Variants in EIPR1 observed in about 807,000 individuals in gnomAD.
EIPR1 encodes EARP complex and GARP complex interacting protein 1, also known as EARP and GARP complex-interacting protein 1.
EIPR1 carries 25 observed loss-of-function variants against 48.1 expected under a neutral mutation model. That is an observed-to-expected ratio of 0.52 (90% CI 0.38 to 0.73). The LOEUF is 0.73. Ranked by LOEUF, EIPR1 falls within the 30% of genes least tolerant of loss-of-function variation. EIPR1 has a pLI of 0.00. For synonymous variants in EIPR1, 204 were observed against 201.9 expected (o/e 1.01, Z -0.09); for missense variants, 415 against 506.2 (o/e 0.82, Z 1.73).
chr2:3,217,584 A>T (rs748481879), intron 4 of EIPR1, among the ~76,000 whole-genome samples: 5 of 152,116 alleles, frequency 3.3e-5, no homozygotes, highest in Non-Finnish European at 7.4e-5. Flanking sequence ...ATTGAGTTAA[A>T]CTCACGTAAA....
intron 4 of EIPR1, among the ~76,000 whole-genome samples, chr2:3,249,594 G>A (rs1177438184): frequency 2.0e-5 from 3 of 152,228 alleles, no homozygotes; most frequent in African/African-American, 7.2e-5. Context: ...CAAGAGGGCT[G>A]TGGAGCAACC....
At position 3,197,320 on chromosome 2, in the gene EIPR1, A is replaced by C. The variant is rs138618014; in HGVS notation, c.517-303T>G. On this transcript the variant is annotated intron_variant, in intron 5 of 8. Transcript: ENST00000382125. ...ACTCGAACTTGAAGGAAAACAATACAAAACAACTCAAACATCTGGCTTTCC... is the reference window on the plus strand; with the variant it reads ...ACTCGAACTTGAAGGAAAACAATACCAAACAACTCAAACATCTGGCTTTCC... Among the ~76,000 whole-genome samples the C allele has an allele frequency of 4.6e-5, 7 of 152,386 alleles. No individual in the cohort carries two copies. In the East Asian group the frequency reaches 1.3e-3, roughly 29 times the overall value.
At chr2:3,203,622 G>A (rs772139594) in intron 5 of EIPR1, among the ~76,000 whole-genome samples, 28 of 152,242 alleles carry the variant, frequency 1.8e-4, no homozygotes, top group East Asian at 5.8e-4. Context: ...CAGGGAAGCC[G>A]GAGGCAGAAG....
At chr2:3,374,674 A>T (rs1194409337) in intron 1 of EIPR1, among the ~76,000 whole-genome samples, 13 of 150,344 alleles carry the variant, frequency 8.6e-5, no homozygotes, top group Admixed American at 2.0e-4. Context: ...TCAAAACCAC[A>T]ATGAGATACC....
chr2:3,307,216 C>A (rs1668974138), intron 3 of EIPR1, among the ~76,000 whole-genome samples: 1 of 152,164 alleles, frequency 6.6e-6, no homozygotes, highest in South Asian at 2.1e-4. Context: ...CCTACCTCAG[C>A]CTCCCAAAGT....
At chr2:3,361,960 G>A (rs747520115) in intron 1 of EIPR1, among the ~76,000 whole-genome samples, 2 of 152,194 alleles carry the variant, frequency 1.3e-5, no homozygotes, top group Non-Finnish European at 2.9e-5. Context: ...TCTGGAGTTC[G>A]ATTCTGACTT....
intron 3 of EIPR1, among the ~76,000 whole-genome samples, chr2:3,291,160 G>A (rs1668354123): frequency 6.6e-6 from 1 of 152,164 alleles, no homozygotes; most frequent in Non-Finnish European, 1.5e-5. Flanking sequence ...GGTGGGGCGA[G>A]AACACCCAGA....
At chr2:3,231,370 GTTA>G (rs1666238234) in intron 4 of EIPR1, among the ~76,000 whole-genome samples, 1 of 152,074 alleles carries the variant, frequency 6.6e-6, no homozygotes, top group Admixed American at 6.5e-5. Context: ...AGAACTTCCA[GTTA>G]TTATGATGGA....
Position 3,189,378 on chromosome 2 carries a change from T to A in EIPR1, c.1120A>T (p.Ile374Phe), listed in dbSNP as rs1475982731. Residue 374 changes from isoleucine to phenylalanine, a missense_variant, in exon 9 of 9, where the codon ATC becomes TTC. Transcript: ENST00000382125. The surrounding 1 kb of genome is among the most constrained non-coding windows in gnomAD (Gnocchi z 4.6). ...TTCAGGGCCCTGGGCACCCTGTTGA[T>A]CACGAGCCTCCCGTCATAGCTCAGG... The part of the protein sequence containing the change: ...ASLSYDGRLV[I>F]NRVPRALKYH... The A allele has an allele frequency of 6.2e-7, 1 of 1,602,596 alleles. No individual in the cohort carries two copies. The highest frequency in any genetic ancestry group is 2.2e-5 in the East Asian group (1 of 44,582).
In EIPR1 at chr2:3,189,760, C is replaced by T. The variant is rs1159209793; in HGVS notation, c.990-252G>A. On this transcript the variant is annotated intron_variant, in intron 8 of 8. Coordinates refer to ENST00000382125, the MANE Select transcript of EIPR1 (RefSeq NM_003310.5). This position sits in a 1 kb window ranked among gnomAD's most constrained non-coding sequence, Gnocchi z 4.6. Reference sequence around the variant, plus strand: ...TCAAAAGGTTTATGGAAATCGGCGACATTGGCACATGGTGTCTTGGTTTCT... The same window carrying T: ...TCAAAAGGTTTATGGAAATCGGCGATATTGGCACATGGTGTCTTGGTTTCT... 6.6e-6 allele frequency among the ~76,000 whole-genome samples: 1 copy of T among 152,184 alleles called. No individual in the cohort carries two copies. Among genetic ancestry groups the T allele is most frequent in the East Asian group, 1.9e-4 (1 of 5,188 alleles).
intron 4 of EIPR1, among the ~76,000 whole-genome samples, chr2:3,247,040 AGAGGGAGGGAGAGAGGGAGGGAGAGAGG>A (rs1666849555): frequency 2.1e-4 from 1 of 4,706 alleles, no homozygotes; most frequent in African/African-American, 8.5e-4. Context: ...AGGGAGGGAG[AGAGGGAGGGAGAGAGGGAGGGAGAGAGG>A]GAGGGAGAGA....
intron 5 of EIPR1, chr2:3,209,013 A>G: frequency 6.9e-7 from 1 of 1,452,690 alleles, no homozygotes; most frequent in South Asian, 1.5e-5. Context: ...AGCGGGAACA[A>G]TAGTGGAGGT....
intron 3 of EIPR1, among the ~76,000 whole-genome samples, chr2:3,287,644 C>T (rs189988365): frequency 5.3e-4 from 81 of 151,812 alleles, no homozygotes; most frequent in African/African-American, 1.7e-3. Context: ...CACCACGCTC[C>T]GGAAAGCTCG....
At chr2:3,267,944 C>A (rs1441117160) in intron 3 of EIPR1, among the ~76,000 whole-genome samples, 1 of 152,238 alleles carries the variant, frequency 6.6e-6, no homozygotes, top group Non-Finnish European at 1.5e-5. Context: ...GCAGACCGTG[C>A]CCTGTGTAGC....
chr2:3,369,340 G>A (rs977043441), intron 1 of EIPR1, among the ~76,000 whole-genome samples: 2 of 152,340 alleles, frequency 1.3e-5, no homozygotes, highest in Admixed American at 1.3e-4. Context: ...ATTTCCATAT[G>A]AGGTACCGGG....
chr2:3,342,515 G>A (rs1297609573), intron 2 of EIPR1, among the ~76,000 whole-genome samples: 5 of 152,252 alleles, frequency 3.3e-5, no homozygotes, highest in Admixed American at 3.3e-4. Context: ...AGTGCAGCGT[G>A]GCCCCCAAGC....
intron 3 of EIPR1, among the ~76,000 whole-genome samples, chr2:3,321,891 T>C (rs1204668193): frequency 6.6e-6 from 1 of 152,128 alleles, no homozygotes; most frequent in Non-Finnish European, 1.5e-5. Context: ...CACGGACTCC[T>C]CAGCAGTGGA....
chr2:3,262,630 G>A (rs773890528), intron 3 of EIPR1, among the ~76,000 whole-genome samples: 1 of 152,242 alleles, frequency 6.6e-6, no homozygotes, highest in South Asian at 2.1e-4. Context: ...TGCTGGTGTG[G>A]AAGTTGTCAG....
At chr2:3,307,285 C>T (rs887427001) in intron 3 of EIPR1, among the ~76,000 whole-genome samples, 2 of 152,188 alleles carry the variant, frequency 1.3e-5, no homozygotes, top group Non-Finnish European at 2.9e-5. Flanking sequence ...GTGTCAAAAA[C>T]TCCAGACAGC....
Sources: allele counts gnomAD v4.1 joint callset (sites outside exome capture counted in the v4.1 genomes callset), GRCh38; gene constraint gnomAD v4.1.1; non-coding constraint Gnocchi (gnomAD v3.1); transcripts MANE v1.5; gene names NCBI Gene and HGNC (gene_info 2026-07-23, HGNC 2026-07-21).